Variants in SPATA1 observed in about 807,000 individuals in gnomAD.
SPATA1 encodes spermatogenesis-associated protein 1.
SPATA1 carries 57 observed loss-of-function variants against 59.6 expected under a neutral mutation model. The ratio of observed to expected loss-of-function variants is 0.96; its 90% CI spans 0.77 to 1.19. The LOEUF is 1.19. Among genes scored for constraint, SPATA1 ranks in the 50% most tolerant of loss-of-function variants. SPATA1 has a pLI of 0.00. For missense variants in SPATA1, 448 were observed against 480.7 expected (o/e 0.93, Z 0.64); for synonymous variants, 147 against 163.9 (o/e 0.90, Z 0.79).
At chr1:84,558,615 AAG>A (rs1401640235), downstream of SPATA1, among the ~76,000 whole-genome samples, 10 of 151,342 alleles carry the variant, frequency 6.6e-5, no homozygotes, top group Non-Finnish European at 1.3e-4. Flanking sequence ...AAAAAAAAAA[AAG>A]AGGCCAAGTG....
At chr1:84,549,922 A>G (rs987931874) in intron 11 of SPATA1, 3 of 151,772 alleles carry the variant, frequency 2.0e-5, no homozygotes, top group Admixed American at 6.6e-5. Context: ...AATCAGTTCA[A>G]TATAAGAATT....
intron 8 of SPATA1, 80 bp downstream of exon 8, chr1:84,533,846 T>C: frequency 3.6e-6 from 3 of 829,978 alleles, no homozygotes; most frequent in Non-Finnish European, 5.7e-6. Context: ...AAACTGCAGA[T>C]TAAAATGTCT....
At chr1:84,555,048 T>A (rs753705550), downstream of SPATA1, 15 of 1,614,072 alleles carry the variant, frequency 9.3e-6, no homozygotes, top group Middle Eastern at 3.3e-4. Flanking sequence ...TTCTTCAGTT[T>A]GCTGTTTGGC....
chr1:84,561,624 A>G (rs1157985018), intron 4 of SPATA1, among the ~76,000 whole-genome samples: 2 of 152,220 alleles, frequency 1.3e-5, no homozygotes, highest in Non-Finnish European at 2.9e-5. Flanking sequence ...CGTGAAAGGA[A>G]GAGTCAATTG....
In SPATA1 at chr1:84,533,362, C is replaced by T. The variant is rs139899691; in HGVS notation, c.660-347C>T. Among the ~76,000 whole-genome samples the T allele has an allele frequency of 1.1e-3, 164 of 152,028 alleles. 1 individual carries two copies. The highest frequency in any genetic ancestry group is 3.6e-3 in the African/African-American group (151 of 41,494). ...TTTATTCAAAATTATAGTACTTAGA[C>T]GAGTTTTACACAGTCTTTTGAAATT... is the stretch of plus-strand genomic sequence containing the variant. On this transcript the variant is annotated intron_variant, in intron 7 of 12. Coordinates refer to ENST00000490879, the Ensembl canonical transcript of SPATA1.
At chr1:84,546,583 A>G (rs1445091592) in intron 10 of SPATA1, among the ~76,000 whole-genome samples, 4 of 152,194 alleles carry the variant, frequency 2.6e-5, no homozygotes, top group African/African-American at 9.6e-5. Flanking sequence ...GCTTCCAGGA[A>G]AAGTGTTGGA....
chr1:84,542,109 G>A (rs1478221429), intron 8 of SPATA1, among the ~76,000 whole-genome samples: 4 of 151,990 alleles, frequency 2.6e-5, no homozygotes, highest in Non-Finnish European at 4.4e-5. Context: ...GATTACAGGC[G>A]TGCGACACCA....
chr1:84,563,274 G>T, intron 4 of SPATA1: 1 of 1,555,512 alleles, frequency 6.4e-7, no homozygotes, highest in Non-Finnish European at 8.7e-7. Context: ...TTATAATAAG[G>T]AGCCCGCTGA....
exon 10 of SPATA1, chr1:84,545,759 G>A: frequency 2.7e-6 from 4 of 1,502,064 alleles, no homozygotes; most frequent in Admixed American, 2.7e-5. Flanking sequence ...ACGATATCAT[G>A]GTAAAGTTTA....
downstream of SPATA1, chr1:84,555,897 G>A (rs1684415891): frequency 6.6e-6 from 1 of 152,162 alleles, no homozygotes; most frequent in South Asian, 2.1e-4. Flanking sequence ...GTGCTTTTTT[G>A]TATTCTCTGT....
intron 1 of SPATA1, among the ~76,000 whole-genome samples, chr1:84,515,407 G>A (rs1682753694): frequency 6.6e-6 from 1 of 151,898 alleles, no homozygotes; most frequent in South Asian, 2.1e-4. Flanking sequence ...TACTTGTTAG[G>A]GTTTTGTAGA....
intron 4 of SPATA1, among the ~76,000 whole-genome samples, chr1:84,524,673 TCTC>T (rs1266431786): frequency 6.6e-6 from 1 of 152,138 alleles, no homozygotes; most frequent in Non-Finnish European, 1.5e-5. Context: ...AGAAATCACT[TCTC>T]CCTGATTTTC....
chr1:84,526,635 G>A (rs568637425), intron 6 of SPATA1, among the ~76,000 whole-genome samples: 2 of 152,260 alleles, frequency 1.3e-5, no homozygotes, highest in African/African-American at 4.8e-5. Context: ...AGGAGGCCAA[G>A]GTGGGTGGAT....
intron 4 of SPATA1, among the ~76,000 whole-genome samples, chr1:84,564,634 A>C (rs1459100788): frequency 6.6e-6 from 1 of 152,174 alleles, no homozygotes; most frequent in Non-Finnish European, 1.5e-5. Flanking sequence ...CAGCCTCCCA[A>C]GGCTTGAACC....
chr1:84,535,855 T>C (rs890864624), intron 8 of SPATA1, among the ~76,000 whole-genome samples: 3 of 152,314 alleles, frequency 2.0e-5, no homozygotes, highest in Non-Finnish European at 4.4e-5. Flanking sequence ...GAAGTTGTAA[T>C]GGCAATAATA....
chr1:84,553,106 T>C, exon 13 of SPATA1: 1 of 1,504,568 alleles, frequency 6.6e-7, no homozygotes, highest in South Asian at 1.3e-5. Flanking sequence ...AAATAATACA[T>C]CTCTACAATC....
At chr1:84,531,165 T>C (rs940658036) in intron 6 of SPATA1, among the ~76,000 whole-genome samples, 1 of 152,118 alleles carries the variant, frequency 6.6e-6, no homozygotes, top group Non-Finnish European at 1.5e-5. Context: ...TTTTGTTTTG[T>C]TTTGCCTTGT....
intron 8 of SPATA1, among the ~76,000 whole-genome samples, chr1:84,535,928 T>C (rs745823612): frequency 6.6e-6 from 1 of 152,214 alleles, no homozygotes; most frequent in Non-Finnish European, 1.5e-5. Flanking sequence ...ATTTCACTAA[T>C]GGAAACATCA....
intron 1 of SPATA1, among the ~76,000 whole-genome samples, chr1:84,515,214 T>G (rs1400423201): frequency 6.6e-6 from 1 of 152,150 alleles, no homozygotes; most frequent in Non-Finnish European, 1.5e-5. Context: ...AGTTTTTGGA[T>G]AGATATATAA....
Sources: allele counts gnomAD v4.1 joint callset (sites outside exome capture counted in the v4.1 genomes callset), GRCh38; gene constraint gnomAD v4.1.1; transcripts MANE v1.5; gene names NCBI Gene and HGNC (gene_info 2026-07-23, HGNC 2026-07-21).